CDH6: variants seen among roughly 807,000 people sequenced by gnomAD.
The protein encoded by CDH6 is cadherin 6.
CDH6 carries 31 observed loss-of-function variants against 78.0 expected under a neutral mutation model. The ratio of observed to expected loss-of-function variants is 0.40; its 90% confidence interval spans 0.30 to 0.54. CDH6 has a LOEUF of 0.54. Ranked by LOEUF, CDH6 falls within the 20% of genes least tolerant of loss-of-function variation. CDH6 has a pLI of 0.56. For missense variants in CDH6, 724 were observed against 975.9 expected, an observed-to-expected ratio of 0.74 and a Z score of 3.44; for synonymous variants, 376 against 368.8, an observed-to-expected ratio of 1.02 and a Z score of -0.23.
In CDH6 at chr5:31,317,654, C is replaced by CT. The variant is rs1341851767; in HGVS notation, c.1631-16dup. 5 of 1,602,044 alleles carry CT rather than the reference C, an allele frequency of 3.1e-6. No homozygotes were observed. In the Admixed American group the frequency reaches 5.0e-5, roughly 16 times the overall value. ...ACGCAGTATCCACATACATTCACCA[C>CT]TTTGCTTTCCGGTTCCAGACAACAC... On this transcript the variant is annotated intron_variant, in intron 10 of 11. Coordinates refer to ENST00000265071, the MANE Select transcript of CDH6 (RefSeq NM_004932.4).
At position 31,261,646 on chromosome 5, in the gene CDH6, G is replaced by T. The variant is rs59653720; in HGVS notation, c.-128-5700G>T. On this transcript the variant is annotated intron_variant, in intron 1 of 11. Coordinates refer to ENST00000265071, the MANE Select transcript of CDH6 (RefSeq NM_004932.4). ...CTTTCAATGCCAAAGTTAAGGCTCC[G>T]CATACTAAAGAACAAATGTGCTTGG... Among the ~76,000 whole-genome samples, 1,238 of 152,182 alleles carry T rather than the reference G, an allele frequency of 8.1e-3. 20 individuals are homozygous for T. Among genetic ancestry groups the T allele is most frequent in the African/African-American group, 0.028 (1,179 of 41,528 alleles).
At chr5:31,202,565 G>T (rs1019664055) in intron 1 of CDH6, among the ~76,000 whole-genome samples, 1 of 151,974 alleles carries the variant, frequency 6.6e-6, no homozygotes, top group Non-Finnish European at 1.5e-5. Flanking sequence ...GAACCCAGGA[G>T]GCGGAGGTTG....
At chr5:31,272,594 G>A (rs1742558051) in intron 2 of CDH6, among the ~76,000 whole-genome samples, 1 of 152,150 alleles carries the variant, frequency 6.6e-6, no homozygotes, top group Non-Finnish European at 1.5e-5. Context: ...ATACAAAGAT[G>A]AATTTACTTA....
rs111303891 is a variant in CDH6, at chr5:31,268,133, C to A, written c.228+432C>A. ...CCTTTGGCCAAGTTCAAATTAACTA[C>A]TTCTTAACTCTGCTACCTATAGAAC... On this transcript the variant is annotated intron_variant, in intron 2 of 11. Coordinates refer to ENST00000265071, the MANE Select transcript of CDH6 (RefSeq NM_004932.4). Among the ~76,000 whole-genome samples the A allele has an allele frequency of 2.9e-3, 436 of 152,286 alleles. 2 individuals carry two copies. The highest frequency in any genetic ancestry group is 9.4e-3 in the African/African-American group (391 of 41,564).
Position 31,218,675 on chromosome 5 carries a change from T to G in CDH6, c.-129+24789T>G, listed in dbSNP as rs148567646. On this transcript the variant is annotated intron_variant, in intron 1 of 11. Coordinates refer to ENST00000265071, the MANE Select transcript of CDH6 (RefSeq NM_004932.4). ...CTTTCCTCTCTCCACTTGCAGAACC[T>G]AAGTCCAAACCACAATTTATTTCCC... Among the ~76,000 whole-genome samples, 67 of 152,218 alleles carry G rather than the reference T, an allele frequency of 4.4e-4. 1 individual carries two copies. In the East Asian group the frequency reaches 0.011, roughly 25 times the overall value.
At chr5:31,211,824 T>C (rs74433752) in intron 1 of CDH6, among the ~76,000 whole-genome samples, 3,835 of 152,340 alleles carry the variant, frequency 0.025, 176 homozygotes, top group African/African-American at 0.088. Flanking sequence ...TCTGCAAATG[T>C]AACTAGGACA....
rs148866216 is a variant in CDH6 at position 31,246,641 on chromosome 5, C to T, written c.-128-20705C>T. On this transcript the variant is annotated intron_variant, in intron 1 of 11. Transcript: ENST00000265071. ...AGATTTACAAACTTTGAGGGGCAAA[C>T]ATGATTTTGGCAATAAAACAATTTA... Among the ~76,000 whole-genome samples the T allele has an allele frequency of 3.2e-3, 489 of 152,314 alleles. 6 individuals are homozygous for T. Among genetic ancestry groups the T allele is most frequent in the African/African-American group, 0.011 (463 of 41,568 alleles).
intron 1 of CDH6, among the ~76,000 whole-genome samples, chr5:31,247,372 T>C (rs903155380): frequency 6.6e-6 from 1 of 152,178 alleles, no homozygotes; most frequent in Non-Finnish European, 1.5e-5. Context: ...GACTCATAAG[T>C]AAAGTAAAAA....
chr5:31,217,699 G>T (rs570867165), intron 1 of CDH6, among the ~76,000 whole-genome samples: 2 of 152,102 alleles, frequency 1.3e-5, no homozygotes, highest in South Asian at 4.1e-4. Flanking sequence ...GATGTTGAGG[G>T]GGTGAACATT....
In CDH6 at chr5:31,257,365, G is replaced by A. The variant is rs190024687; in HGVS notation, c.-128-9981G>A. Among the ~76,000 whole-genome samples the A allele has an allele frequency of 9.4e-3, 1,420 of 151,834 alleles. 7 individuals carry two copies. The highest frequency in any genetic ancestry group is 0.014 in the Non-Finnish European group (931 of 68,018). On this transcript the variant is annotated intron_variant, in intron 1 of 11. Transcript: ENST00000265071. The stretch of plus-strand genomic sequence containing the variant: ...TTTTTAGTAGAGATGGGGTTTCACC[G>A]TGTTAGCCGGGATGGTCCCGATCTC...
At chr5:31,204,245 C>T (rs1740451865) in intron 1 of CDH6, among the ~76,000 whole-genome samples, 2 of 152,052 alleles carry the variant, frequency 1.3e-5, no homozygotes, top group African/African-American at 2.4e-5. Flanking sequence ...TCTTAGAAAA[C>T]TTTTTCTTCT....
chr5:31,253,151 G>A (rs770152604), intron 1 of CDH6, among the ~76,000 whole-genome samples: 2 of 152,144 alleles, frequency 1.3e-5, no homozygotes, highest in Non-Finnish European at 2.9e-5. Flanking sequence ...ATGCCAGAAG[G>A]GGTCAGGGAT....
chr5:31,329,140 T>G lies in CDH6; in HGVS notation c.*5832T>G, dbSNP rs1738678719. The G allele has an allele frequency of 1.1e-5, 2 of 187,740 alleles. No individual in the cohort carries two copies. The highest frequency in any genetic ancestry group is 2.2e-5 in the Non-Finnish European group (2 of 89,160). 11.6% of individuals were successfully genotyped at this position (187,740 alleles called of 1,614,324 possible). On this transcript the variant is annotated 3_prime_UTR_variant, in exon 12 of 12. Transcript: ENST00000265071. ...TGATATTACTTAATAAACTGGTTTT[T>G]TTCTAACTTGCTTTTTTTTCAATTC...
In CDH6 at chr5:31,301,459, A is replaced by G. The variant is rs200358703; in HGVS notation, c.812-652A>G. Reference sequence around the variant, plus strand: ...CATATTTTTTTTAAAAAGTGTCTATATAGGAAACATAGGTTTCAAATTAGA... The same window carrying G: ...CATATTTTTTTTAAAAAGTGTCTATGTAGGAAACATAGGTTTCAAATTAGA... On this transcript the variant is annotated intron_variant, in intron 5 of 11. Transcript: ENST00000265071. Among the ~76,000 whole-genome samples, 13 of 152,322 alleles carry G rather than the reference A, an allele frequency of 8.5e-5. No individual in the cohort carries two copies. In the East Asian group the frequency reaches 2.5e-3, roughly 29 times the overall value.
chr5:31,204,641 G>T (rs1406613444), intron 1 of CDH6, among the ~76,000 whole-genome samples: 2 of 152,046 alleles, frequency 1.3e-5, no homozygotes, highest in African/African-American at 4.8e-5. Context: ...AAACCAAAAT[G>T]GATTTTTAAA....
intron 4 of CDH6, among the ~76,000 whole-genome samples, chr5:31,297,702 G>T (rs1737652579): frequency 6.6e-6 from 1 of 152,056 alleles, no homozygotes; most frequent in South Asian, 2.1e-4. Context: ...GATAGTATTG[G>T]CCTGTTTACA....
Position 31,317,932 on chromosome 5 carries a change from G to T in CDH6, c.1882+8G>T, listed in dbSNP as rs750611604. 15 of 1,611,132 alleles carry T rather than the reference G, an allele frequency of 9.3e-6. No individual in the cohort carries two copies. In the African/African-American group the frequency reaches 1.9e-4, roughly 20 times the overall value. On this transcript the variant is annotated splice_region_variant and intron_variant, in intron 11 of 11. Coordinates refer to ENST00000265071, the MANE Select transcript of CDH6 (RefSeq NM_004932.4). The stretch of plus-strand genomic sequence containing the variant: ...GCATCGTGATCCTACTAGGTAAACT[G>T]GTTCTCCCTGCCTCCTATCTCCCCA...
At chr5:31,202,206 C>T (rs1740370120) in intron 1 of CDH6, among the ~76,000 whole-genome samples, 1 of 152,044 alleles carries the variant, frequency 6.6e-6, no homozygotes, top group Non-Finnish European at 1.5e-5. Context: ...CTTCAAAAAG[C>T]AATTGCCTTC....
chr5:31,297,773 GA>G (rs1010297379), intron 4 of CDH6, among the ~76,000 whole-genome samples: 2 of 152,074 alleles, frequency 1.3e-5, no homozygotes, highest in African/African-American at 4.8e-5. Flanking sequence ...ATTCTGCTCT[GA>G]AATTAGATGT....
Sources: allele counts gnomAD v4.1 joint callset (sites outside exome capture counted in the v4.1 genomes callset), GRCh38; gene constraint gnomAD v4.1.1; transcripts MANE v1.5; gene names NCBI Gene and HGNC (gene_info 2026-07-23, HGNC 2026-07-21).